Variants in PHLPP1 observed in about 807,000 individuals in gnomAD.
PHLPP1 encodes PH domain leucine-rich repeat-containing protein phosphatase 1.
In PHLPP1, 42 loss-of-function variants were observed where a neutral mutation model predicts 117.2. The observed-to-expected ratio is 0.36, with a 90% CI of 0.28 to 0.46. The LOEUF (loss-of-function observed/expected upper bound fraction) is 0.46. PHLPP1 is among the 20% of genes least tolerant of loss of function. The probability of loss-of-function intolerance (pLI) is 1.00; values close to 1 mark genes in which losing one functional copy is unlikely to be tolerated. For synonymous variants in PHLPP1, 1,042 were observed against 970.7 expected (o/e 1.07, Z -1.37); for missense variants, 2,084 against 2,241.9 (o/e 0.93, Z 1.42).
At chr18:62,882,700 A>G (rs1916198464) in intron 4 of PHLPP1, among the ~76,000 whole-genome samples, 1 of 152,196 alleles carries the variant, frequency 6.6e-6, no homozygotes, top group Admixed American at 6.5e-5. Context: ...TCAAAACCAC[A>G]AGGTGTGCTC....
chr18:62,808,556 T>TG, intron 1 of PHLPP1, among the ~76,000 whole-genome samples: 1 of 151,434 alleles, frequency 6.6e-6, no homozygotes, highest in South Asian at 2.1e-4. Context: ...TGTTTTTTTT[T>TG]GTTTTTTTTT....
At chr18:62,872,400 G>A (rs1165966063) in intron 4 of PHLPP1, among the ~76,000 whole-genome samples, 1 of 152,050 alleles carries the variant, frequency 6.6e-6, no homozygotes, top group African/African-American at 2.4e-5. Flanking sequence ...TTTCAAGAAG[G>A]GGAGGTCAGA....
intron 8 of PHLPP1, among the ~76,000 whole-genome samples, chr18:62,914,187 T>C (rs1196660694): frequency 6.6e-6 from 1 of 152,362 alleles, no homozygotes; most frequent in East Asian, 1.9e-4. Flanking sequence ...CATTTGTCCA[T>C]GGCTGTGTTT....
At chr18:62,954,968 C>T (rs1005165185) in intron 12 of PHLPP1, among the ~76,000 whole-genome samples, 5 of 152,086 alleles carry the variant, frequency 3.3e-5, no homozygotes, top group Non-Finnish European at 5.9e-5. Context: ...TTAGGATATC[C>T]GGGGAGAAAC....
At chr18:62,735,453 T>C (rs1202436673) in intron 1 of PHLPP1, among the ~76,000 whole-genome samples, 1 of 152,078 alleles carries the variant, frequency 6.6e-6, no homozygotes, top group Non-Finnish European at 1.5e-5. Flanking sequence ...GTTTGTATAG[T>C]TGGAATGCTT....
intron 9 of PHLPP1, among the ~76,000 whole-genome samples, chr18:62,916,206 G>T (rs1909271087): frequency 6.6e-6 from 1 of 151,914 alleles, no homozygotes; most frequent in Non-Finnish European, 1.5e-5. Flanking sequence ...AGTCCTAATT[G>T]AGAAGTGCTA....
At chr18:62,751,065 G>A (rs996677802) in intron 1 of PHLPP1, among the ~76,000 whole-genome samples, 3 of 152,126 alleles carry the variant, frequency 2.0e-5, no homozygotes, top group Non-Finnish European at 2.9e-5. Flanking sequence ...TGTTAGCCAC[G>A]TTTGATTTTT....
intron 1 of PHLPP1, among the ~76,000 whole-genome samples, chr18:62,829,003 A>G (rs1335433237): frequency 6.6e-6 from 1 of 152,218 alleles, no homozygotes; most frequent in Non-Finnish European, 1.5e-5. Flanking sequence ...TCTCCCATTA[A>G]GTTGATAAGA....
intron 4 of PHLPP1, among the ~76,000 whole-genome samples, chr18:62,868,801 G>A (rs1056504828): frequency 9.9e-5 from 15 of 152,098 alleles, no homozygotes; most frequent in Non-Finnish European, 1.8e-4. Context: ...GTATTACTGA[G>A]CCATGTGGTA....
At chr18:62,880,848 G>A (rs761922652) in intron 4 of PHLPP1, among the ~76,000 whole-genome samples, 11 of 152,134 alleles carry the variant, frequency 7.2e-5, no homozygotes, top group Non-Finnish European at 1.5e-4. Flanking sequence ...CTGTTTTCAC[G>A]TAATTACCAT....
At chr18:62,798,357 A>G (rs897264151) in intron 1 of PHLPP1, among the ~76,000 whole-genome samples, 23 of 152,116 alleles carry the variant, frequency 1.5e-4, no homozygotes, top group African/African-American at 5.3e-4. Context: ...TTTTTGTCCT[A>G]TCTTGCATCT....
chr18:62,721,377 A>G (rs1043487458), intron 1 of PHLPP1, among the ~76,000 whole-genome samples: 1 of 151,814 alleles, frequency 6.6e-6, no homozygotes, highest in Non-Finnish European at 1.5e-5. Flanking sequence ...CTTCATTGGG[A>G]AGTAGAGAAT....
At chr18:62,733,356 A>G (rs1911279187) in intron 1 of PHLPP1, among the ~76,000 whole-genome samples, 1 of 152,228 alleles carries the variant, frequency 6.6e-6, no homozygotes. Flanking sequence ...TTTTAAATTA[A>G]GGTGTGTGCA....
intron 12 of PHLPP1, among the ~76,000 whole-genome samples, chr18:62,945,777 A>G (rs1910265708): frequency 6.6e-6 from 1 of 152,216 alleles, no homozygotes. Flanking sequence ...TTTCAACGGA[A>G]TGAAATTGGC....
chr18:62,975,649 A>G (rs1911168013), intron 16 of PHLPP1, 24 bp downstream of exon 16: 5 of 1,499,628 alleles, frequency 3.3e-6, no homozygotes, highest in Non-Finnish European at 4.6e-6. Flanking sequence ...GGTGTTGCCC[A>G]GGATGGTGGA....
chr18:62,871,191 T>TA (rs2144372629), intron 4 of PHLPP1, among the ~76,000 whole-genome samples: 1 of 152,228 alleles, frequency 6.6e-6, no homozygotes, highest in East Asian at 1.9e-4. Context: ...AAGGAATATA[T>TA]TTTTTCCCCC....
chr18:62,905,124 A>G (rs1568157290), intron 7 of PHLPP1, 100 bp from the exon 8 acceptor site: 2 of 588,730 alleles, frequency 3.4e-6, no homozygotes, highest in Non-Finnish European at 2.7e-6. Context: ...CTAAACAAAC[A>G]ATAGAGAATA....
At chr18:62,919,928 A>AT in intron 9 of PHLPP1, 31 bp from the exon 10 acceptor site, 3 of 1,525,044 alleles carry the variant, frequency 2.0e-6, no homozygotes, top group Non-Finnish European at 1.8e-6. Context: ...ACTCTTTTTC[A>AT]TTTTTTGGTC....
In PHLPP1 at chr18:62,715,673, G is replaced by A; in HGVS notation, c.-11G>A. The A allele has an allele frequency of 7.8e-7, 1 of 1,276,044 alleles. No individual in the cohort carries two copies. Among genetic ancestry groups the A allele is most frequent in the South Asian group, 2.7e-5 (1 of 37,008 alleles). 79.0% of individuals were successfully genotyped at this position (1,276,044 alleles called of 1,614,324 possible). A position where few individuals can be genotyped will look rare whatever the true frequency, so the allele number is the denominator to read the frequency against. On this transcript the variant is annotated 5_prime_UTR_variant, in exon 1 of 17. Coordinates refer to ENST00000262719, the MANE Select transcript of PHLPP1 (RefSeq NM_194449.4). ...TCCGGAGCTGGGGGGGAAACGCGAA[G>A]CCCCACTGCAATGGAGCCCGCCGCC...
Sources: gnomAD v4.1 joint callset for allele counts (sites outside exome capture counted in the v4.1 genomes callset) on GRCh38, gnomAD v4.1.1 for gene constraint, MANE v1.5 for transcripts, NCBI Gene and HGNC (gene_info 2026-07-23, HGNC 2026-07-21) for gene names.